Variants in KCNK13 observed in about 807,000 individuals in gnomAD.
KCNK13 encodes potassium two pore domain channel subfamily K member 13.
A neutral mutation model predicts 23.4 loss-of-function variants in KCNK13; 12 were observed. The ratio of observed to expected loss-of-function variants is 0.51; its 90% confidence interval spans 0.33 to 0.83. The LOEUF (loss-of-function observed/expected upper bound fraction) is 0.83. Among genes scored for constraint, KCNK13 ranks in the 40% least tolerant of loss-of-function variants. KCNK13 has a pLI of 0.02. For missense variants in KCNK13, 463 were observed against 556.3 expected (o/e 0.83, Z 1.69); for synonymous variants, 231 against 229.5 (o/e 1.01, Z -0.06).
intron 1 of KCNK13, among the ~76,000 whole-genome samples, chr14:90,065,951 A>C (rs941176835): frequency 4.6e-5 from 7 of 152,114 alleles, no homozygotes; most frequent in African/African-American, 1.7e-4. Context: ...GAGGAAACAT[A>C]AACCTTTCCA....
rs373759289 is a variant in KCNK13 at position 90,077,117 on chromosome 14, CTTTTT to C, written c.334+14594_334+14598del. On this transcript the variant is annotated intron_variant, in intron 1 of 1. Transcript: ENST00000282146. ...TACAGGCATGAGCCACCGCACCTGGCTTTTTTTTTTTTTTTTTTTTAGACGAAGTT... is the reference window on the plus strand; with the variant it reads ...TACAGGCATGAGCCACCGCACCTGGCTTTTTTTTTTTTTTTAGACGAAGTT... Among the ~76,000 whole-genome samples, 112 of 92,324 alleles carry C rather than the reference CTTTTT, an allele frequency of 1.2e-3. 1 individual carries two copies. In the East Asian group the frequency reaches 0.027, roughly 22 times the overall value. 60.6% of individuals were successfully genotyped at this position (92,324 alleles called of 152,430 possible).
At chr14:90,073,562 C>T (rs1351417895) in intron 1 of KCNK13, among the ~76,000 whole-genome samples, 1 of 152,220 alleles carries the variant, frequency 6.6e-6, no homozygotes, top group East Asian at 1.9e-4. Flanking sequence ...GAAGATCAGC[C>T]AGGGCTGTGG....
chr14:90,181,401 T>C (rs1890483788), intron 1 of KCNK13, among the ~76,000 whole-genome samples: 2 of 152,184 alleles, frequency 1.3e-5, no homozygotes, highest in South Asian at 4.1e-4. Flanking sequence ...TGGCACCTTC[T>C]TGTGTCCTCC....
At chr14:90,147,118 G>A (rs117874911) in intron 1 of KCNK13, among the ~76,000 whole-genome samples, 1 of 152,158 alleles carries the variant, frequency 6.6e-6, no homozygotes, top group Non-Finnish European at 1.5e-5. Flanking sequence ...GCTGCCTGCT[G>A]TCTGTGTCTG....
chr14:90,072,816 A>G (rs141969177), intron 1 of KCNK13, among the ~76,000 whole-genome samples: 8 of 152,270 alleles, frequency 5.3e-5, no homozygotes, highest in African/African-American at 1.9e-4. Flanking sequence ...TGGTTTAACT[A>G]TCCTCAAAGA....
intron 1 of KCNK13, among the ~76,000 whole-genome samples, chr14:90,071,574 C>A (rs1889074576): frequency 6.6e-6 from 1 of 152,172 alleles, no homozygotes; most frequent in Non-Finnish European, 1.5e-5. Flanking sequence ...AGCATATTTC[C>A]TGGATTCCCC....
At chr14:90,182,958 C>T (rs1254686113) in intron 1 of KCNK13, among the ~76,000 whole-genome samples, 1 of 152,124 alleles carries the variant, frequency 6.6e-6, no homozygotes, top group Non-Finnish European at 1.5e-5. Flanking sequence ...AACCCCTCCA[C>T]CCATCAGCCT....
rs1889346760 is a variant in KCNK13 at position 90,091,781 on chromosome 14, A to G, written c.334+29242A>G. On this transcript the variant is annotated intron_variant, in intron 1 of 1. Transcript: ENST00000282146. ...AGTCTATGGAGAGAGTCCTGGAGTTACCAGTGCTGGCAGGGGAGAAGGAGA... is the reference window on the plus strand; with the variant it reads ...AGTCTATGGAGAGAGTCCTGGAGTTGCCAGTGCTGGCAGGGGAGAAGGAGA... Among the ~76,000 whole-genome samples, 3 of 152,128 alleles carry G rather than the reference A, an allele frequency of 2.0e-5. No homozygotes were observed. The South Asian group carries it at 6.2e-4, about 32-fold the overall frequency.
At chr14:90,175,760 G>T (rs11850697) in intron 1 of KCNK13, among the ~76,000 whole-genome samples, 1 of 152,152 alleles carries the variant, frequency 6.6e-6, no homozygotes, top group Admixed American at 6.5e-5. Context: ...CCTGGGCTCA[G>T]CTGGCAGTTC....
chr14:90,172,484 C>T (rs779545598), intron 1 of KCNK13, among the ~76,000 whole-genome samples: 1 of 152,046 alleles, frequency 6.6e-6, no homozygotes, highest in Non-Finnish European at 1.5e-5. Flanking sequence ...CTATAGCTTT[C>T]GATTATAGGA....
chr14:90,104,008 A>T (rs2140408116), intron 1 of KCNK13, among the ~76,000 whole-genome samples: 1 of 152,224 alleles, frequency 6.6e-6, no homozygotes, highest in South Asian at 2.1e-4. Context: ...GATGTATAAG[A>T]TCAGTCTCTA....
rs575040887 is a variant in KCNK13 at position 90,166,066 on chromosome 14, G to A, written c.335-18045G>A. 3.6e-3 allele frequency among the ~76,000 whole-genome samples: 551 copies of A among 152,294 alleles called. 3 individuals carry two copies. Among genetic ancestry groups the A allele is most frequent in the African/African-American group, 0.013 (523 of 41,562 alleles). On this transcript the variant is annotated intron_variant, in intron 1 of 1. Transcript: ENST00000282146. ...TTCAGCTTATACAGTTAGAATAGCT[G>A]TAATTTATTTTTCACTTATAAACTA...
intron 1 of KCNK13, among the ~76,000 whole-genome samples, chr14:90,082,289 T>A (rs1251361588): frequency 2.6e-5 from 4 of 151,774 alleles, no homozygotes; most frequent in African/African-American, 9.7e-5. Context: ...GGTCTTGAAC[T>A]CCTGACCTCA....
intron 1 of KCNK13, among the ~76,000 whole-genome samples, chr14:90,141,286 T>C (rs1200852889): frequency 2.6e-5 from 4 of 152,256 alleles, no homozygotes; most frequent in Non-Finnish European, 4.4e-5. Context: ...TCTTATTTCT[T>C]GCAGCTTTCT....
At chr14:90,097,808 C>T (rs1889429524) in intron 1 of KCNK13, among the ~76,000 whole-genome samples, 1 of 152,146 alleles carries the variant, frequency 6.6e-6, no homozygotes, top group Non-Finnish European at 1.5e-5. Context: ...GGCAATGAAC[C>T]ATTCCTCTTT....
chr14:90,075,806 A>G (rs1455939867), intron 1 of KCNK13, among the ~76,000 whole-genome samples: 1 of 152,012 alleles, frequency 6.6e-6, no homozygotes, highest in South Asian at 2.1e-4. Flanking sequence ...TGATCTTCCC[A>G]TCTTTCTCTC....
At chr14:90,120,824 C>T (rs1889730518) in intron 1 of KCNK13, among the ~76,000 whole-genome samples, 1 of 152,204 alleles carries the variant, frequency 6.6e-6, no homozygotes, top group Non-Finnish European at 1.5e-5. Flanking sequence ...AGTCTTAACT[C>T]ATTCCAGCAT....
rs752423554 is a variant in KCNK13 at position 90,099,388 on chromosome 14, C to T, written c.334+36849C>T. ...ACCCCTTGGTGGCTTTGTCAATGTC[C>T]CAAATAAACTCTGCTGCATCTTGTT... On this transcript the variant is annotated intron_variant, in intron 1 of 1. Coordinates refer to ENST00000282146, the MANE Select transcript of KCNK13 (RefSeq NM_022054.4). Among the ~76,000 whole-genome samples the T allele has an allele frequency of 1.1e-3, 168 of 152,036 alleles. 1 individual carries two copies. Among genetic ancestry groups the T allele is most frequent in the Non-Finnish European group, 1.4e-3 (98 of 67,992 alleles).
At chr14:90,123,578 G>A (rs760806309) in intron 1 of KCNK13, among the ~76,000 whole-genome samples, 11 of 152,176 alleles carry the variant, frequency 7.2e-5, no homozygotes, top group Non-Finnish European at 1.0e-4. Context: ...CATAACAGAA[G>A]GCAATAGAAT....
Sources: gnomAD v4.1 joint callset for allele counts (sites outside exome capture counted in the v4.1 genomes callset) on GRCh38, gnomAD v4.1.1 for gene constraint, MANE v1.5 for transcripts, NCBI Gene and HGNC (gene_info 2026-07-23, HGNC 2026-07-21) for gene names.